ADAMTS16: variants seen among roughly 807,000 people sequenced by gnomAD.
ADAMTS16 encodes ADAM metallopeptidase with thrombospondin type 1 motif 16, also known as A disintegrin and metalloproteinase with thrombospondin motifs 16.
In ADAMTS16, 94 loss-of-function variants were observed where a neutral mutation model predicts 145.8. The observed-to-expected ratio is 0.64, with a 90% CI of 0.55 to 0.77. The LOEUF (loss-of-function observed/expected upper bound fraction) is 0.77, where lower values mean the gene tolerates loss of function less well. ADAMTS16 is among the 30% of genes least tolerant of loss of function. The pLI is 0.00. For missense variants in ADAMTS16, 1,585 were observed against 1,591.5 expected, an observed-to-expected ratio of 1.00 and a Z score of 0.07; for synonymous variants, 659 against 604.3, an observed-to-expected ratio of 1.09 and a Z score of -1.33.
At chr5:5,259,884 C>G (rs533739971) in intron 17 of ADAMTS16, among the ~76,000 whole-genome samples, 1 of 151,814 alleles carries the variant, frequency 6.6e-6, no homozygotes, top group African/African-American at 2.4e-5. Context: ...ACTCTCACCC[C>G]GCTGTGTCAT....
intron 21 of ADAMTS16, among the ~76,000 whole-genome samples, chr5:5,311,725 G>T (rs1487295704): frequency 4.7e-5 from 7 of 149,006 alleles, no homozygotes; most frequent in African/African-American, 1.7e-4. Flanking sequence ...TTTTGTTTTT[G>T]TTTTTTTTGG....
At chr5:5,268,270 T>C (rs780056910) in intron 18 of ADAMTS16, among the ~76,000 whole-genome samples, 3 of 152,194 alleles carry the variant, frequency 2.0e-5, no homozygotes, top group Non-Finnish European at 2.9e-5. Context: ...CACATTTGTA[T>C]GTTCCCACGT....
At chr5:5,148,844 C>G (rs1171816044) in intron 3 of ADAMTS16, among the ~76,000 whole-genome samples, 1 of 152,158 alleles carries the variant, frequency 6.6e-6, no homozygotes, top group Non-Finnish European at 1.5e-5. Flanking sequence ...AGGCAAGTCC[C>G]TTACGGGGGA....
chr5:5,212,486 C>T (rs1736302318), intron 10 of ADAMTS16, among the ~76,000 whole-genome samples: 2 of 152,050 alleles, frequency 1.3e-5, no homozygotes, highest in African/African-American at 4.8e-5. Context: ...TAATTCGGTG[C>T]ACATACATTT....
intron 17 of ADAMTS16, 65 bp downstream of exon 17, chr5:5,242,256 A>T: frequency 6.3e-7 from 1 of 1,580,144 alleles, no homozygotes; most frequent in African/African-American, 1.3e-5. Flanking sequence ...CGTACATTGC[A>T]CTGGCCTTTC....
chr5:5,253,662 C>A (rs1737695205), intron 17 of ADAMTS16, among the ~76,000 whole-genome samples: 1 of 152,118 alleles, frequency 6.6e-6, no homozygotes, highest in Non-Finnish European at 1.5e-5. Flanking sequence ...ACCCAGGGAC[C>A]ACCAACTCAT....
chr5:5,215,862 G>A (rs1282253735), intron 10 of ADAMTS16, among the ~76,000 whole-genome samples: 1 of 61,538 alleles, frequency 1.6e-5, no homozygotes, highest in Non-Finnish European at 3.5e-5. Flanking sequence ...TATATGTGGT[G>A]TGTATGTGTA....
intron 3 of ADAMTS16, among the ~76,000 whole-genome samples, chr5:5,173,275 T>TAAGAA (rs1418404515): frequency 6.6e-6 from 1 of 151,972 alleles, no homozygotes; most frequent in Non-Finnish European, 1.5e-5. Flanking sequence ...AGTAAGGACT[T>TAAGAA]ACTCCTGCTA....
chr5:5,238,851 T>C (rs965379403), intron 14 of ADAMTS16, among the ~76,000 whole-genome samples: 3 of 152,218 alleles, frequency 2.0e-5, no homozygotes, highest in African/African-American at 7.2e-5. Context: ...TTTAGGTCAG[T>C]GTGAAATTCA....
At chr5:5,301,397 T>C (rs1377253385) in intron 18 of ADAMTS16, among the ~76,000 whole-genome samples, 2 of 152,216 alleles carry the variant, frequency 1.3e-5, no homozygotes, top group African/African-American at 4.8e-5. Flanking sequence ...CACTGAATTT[T>C]TTGAATGCTG....
intron 10 of ADAMTS16, among the ~76,000 whole-genome samples, chr5:5,221,518 T>G: frequency 6.6e-6 from 1 of 152,134 alleles, no homozygotes; most frequent in South Asian, 2.1e-4. Flanking sequence ...CATTGCACAG[T>G]GATTGTAACC....
Position 5,140,673 on chromosome 5 carries a change from T to C in ADAMTS16, c.82T>C (p.Cys28Arg). Residue 28 changes from cysteine to arginine, a missense_variant, in exon 2 of 23, where the codon TGC (cysteine) becomes CGC (arginine). This residue lies in a region of ADAMTS16 where 453 missense variants were observed against 412.1 expected (regional missense o/e 1.10). Transcript: ENST00000274181. Reference sequence around the variant, plus strand: ...CCGCTGTTTTCCGCAGGCACCTGCGTGCGCCATGGGACCCGCAGCGGCAGC... The same window carrying C: ...CCGCTGTTTTCCGCAGGCACCTGCGCGCGCCATGGGACCCGCAGCGGCAGC... ...LAQVAEQAPA[C>R]AMGPAAAAPG... 6.4e-7 allele frequency: 1 copy of C among 1,555,076 alleles called. No homozygotes were observed.
chr5:5,275,258 G>A (rs1029669600), intron 18 of ADAMTS16, among the ~76,000 whole-genome samples: 4 of 152,108 alleles, frequency 2.6e-5, no homozygotes, highest in African/African-American at 9.7e-5. Flanking sequence ...GGAAGCTTCA[G>A]GGTACATTTT....
intron 14 of ADAMTS16, among the ~76,000 whole-genome samples, chr5:5,237,554 C>T (rs1322657497): frequency 2.6e-5 from 4 of 152,152 alleles, no homozygotes; most frequent in South Asian, 2.1e-4. Flanking sequence ...TCTCCAAGGC[C>T]GACTCCAAGG....
At chr5:5,305,760 G>A (rs1010013768) in intron 20 of ADAMTS16, among the ~76,000 whole-genome samples, 1 of 152,218 alleles carries the variant, frequency 6.6e-6, no homozygotes, top group African/African-American at 2.4e-5. Flanking sequence ...AGGTCCACTG[G>A]AGCTGCACAG....
At chr5:5,178,160 A>G (rs1735247805) in intron 3 of ADAMTS16, among the ~76,000 whole-genome samples, 1 of 152,226 alleles carries the variant, frequency 6.6e-6, no homozygotes, top group South Asian at 2.1e-4. Flanking sequence ...AGCATTTCCC[A>G]GCAGTAACAC....
chr5:5,168,739 T>A (rs1389370990), intron 3 of ADAMTS16, among the ~76,000 whole-genome samples: 1 of 139,528 alleles, frequency 7.2e-6, no homozygotes, highest in Admixed American at 7.6e-5. Flanking sequence ...TATAATTATA[T>A]AAAATATAAT....
rs369955359 is a variant in ADAMTS16, at chr5:5,239,311, A to G, written c.2278+37A>G. ...AGAGCTGCCTGCAAGCCTTGGGCAA[A>G]GAAGATTGTAACTGGGGCTTCTTAG... On this transcript the variant is annotated intron_variant, in intron 15 of 22. Transcript: ENST00000274181. 50 of 1,509,426 alleles carry G rather than the reference A, an allele frequency of 3.3e-5. No individual in the cohort carries two copies. In the African/African-American group the frequency reaches 6.9e-4, roughly 21 times the overall value. The allele number at this position is 1,509,426 out of a possible 1,614,324, so 93.5% of individuals were successfully genotyped here.
chr5:5,273,508 C>A (rs1738564784), intron 18 of ADAMTS16, among the ~76,000 whole-genome samples: 1 of 152,184 alleles, frequency 6.6e-6, no homozygotes, highest in African/African-American at 2.4e-5. Flanking sequence ...AGAGTGAAAA[C>A]CTGTCTCAAT....
Sources: allele counts gnomAD v4.1 joint callset (sites outside exome capture counted in the v4.1 genomes callset), GRCh38; gene constraint gnomAD v4.1.1; regional missense constraint gnomAD v4.1.1; transcripts MANE v1.5; gene names NCBI Gene and HGNC (gene_info 2026-07-23, HGNC 2026-07-21).